Variants in RBM6 observed in about 807,000 individuals in gnomAD.
The protein encoded by RBM6 is RNA-binding protein 6.
RBM6 carries 23 observed loss-of-function variants against 140.4 expected under a neutral mutation model. The ratio of observed to expected loss-of-function variants is 0.16; its 90% CI spans 0.12 to 0.23. RBM6 has a LOEUF of 0.23. Among genes scored for constraint, RBM6 ranks in the 10% least tolerant of loss-of-function variants. The pLI, the probability that RBM6 is intolerant of heterozygous loss-of-function variation, is 1.00. For missense variants in RBM6, 1,139 were observed against 1,386.7 expected (o/e 0.82, Z 2.84); for synonymous variants, 439 against 475.6 (o/e 0.92, Z 1.00).
chr3:49,966,536 A>C (rs1337850163), intron 2 of RBM6, among the ~76,000 whole-genome samples: 1 of 152,204 alleles, frequency 6.6e-6, no homozygotes, highest in East Asian at 1.9e-4. Flanking sequence ...GAGTTCTATA[A>C]ATTGAGAATG....
chr3:50,059,245 C>T (rs1288110849), intron 10 of RBM6: 1 of 153,824 alleles, frequency 6.5e-6, no homozygotes, highest in African/African-American at 2.4e-5. Flanking sequence ...TTATAGATTC[C>T]TGTGGCTTAA....
In RBM6 at chr3:49,954,178, G is replaced by A. The variant is rs796662776; in HGVS notation, c.-66-8398G>A. On this transcript the variant is annotated intron_variant, in intron 1 of 20. Coordinates refer to ENST00000266022, the MANE Select transcript of RBM6 (RefSeq NM_005777.3). The stretch of plus-strand genomic sequence containing the variant: ...TTATAGGCCGGGCGCAATGGCTCAC[G>A]CCTGTAATCCCAGCACTTTGGGAGG... Among the ~76,000 whole-genome samples the A allele has an allele frequency of 3.3e-5, 5 of 151,634 alleles. No individual in the cohort carries two copies. In the East Asian group the frequency reaches 5.9e-4, roughly 18 times the overall value.
At chr3:49,969,581 G>C (rs1241770593) in intron 3 of RBM6, among the ~76,000 whole-genome samples, 1 of 149,872 alleles carries the variant, frequency 6.7e-6, no homozygotes, top group East Asian at 1.9e-4. Context: ...ATATATGTGT[G>C]TGTATATATG....
rs1007435476 is a variant in RBM6, at chr3:50,070,476, A to G, written c.3040A>G (p.Asn1014Asp). The G allele has an allele frequency of 6.2e-7, 1 of 1,613,942 alleles. No homozygotes were observed. Among genetic ancestry groups the G allele is most frequent in the Non-Finnish European group, 8.5e-7 (1 of 1,179,854 alleles). ...EREGKFKGRG[N>D]DRREKLQSFD... ...ACAGGGAAAGTTTAAAGGAAGAGGA[A>G]ATGATCGCAGGGAAAAGCTCCAGTC... The change falls in exon 19 of 21, where the codon AAT becomes GAT. Residue 1014 changes from asparagine (N) to aspartate (D), a missense_variant. By Grantham distance (23) the Asn-to-Asp change is conservative (BLOSUM62 1). This residue lies in a region of RBM6 where 125 missense variants were observed against 142.0 expected (regional missense o/e 0.88). Coordinates refer to ENST00000266022, the MANE Select transcript of RBM6 (RefSeq NM_005777.3).
chr3:50,065,801 T>C (rs970367656), intron 16 of RBM6, among the ~76,000 whole-genome samples: 2 of 152,220 alleles, frequency 1.3e-5, no homozygotes, highest in Admixed American at 1.3e-4. Context: ...TTACCTTACA[T>C]GTGAGCTGGA....
intron 5 of RBM6, among the ~76,000 whole-genome samples, chr3:49,990,907 C>T (rs531047443): frequency 6.6e-6 from 1 of 152,114 alleles, no homozygotes; most frequent in Non-Finnish European, 1.5e-5. Context: ...CCTCTTGATA[C>T]CAGGTAATTC....
chr3:50,064,087 A>G (rs1421721041), intron 15 of RBM6, among the ~76,000 whole-genome samples: 1 of 151,568 alleles, frequency 6.6e-6, no homozygotes, highest in Non-Finnish European at 1.5e-5. Context: ...GCGCTGCCAC[A>G]ACGCCCAGCT....
chr3:50,017,133 G>A (rs2087207323), intron 6 of RBM6, among the ~76,000 whole-genome samples: 2 of 151,970 alleles, frequency 1.3e-5, no homozygotes, highest in African/African-American at 2.4e-5. Flanking sequence ...GCTCCTTATG[G>A]TTTTAATTTG....
intron 6 of RBM6, among the ~76,000 whole-genome samples, chr3:50,038,649 G>A (rs1043946545): frequency 1.3e-5 from 2 of 152,164 alleles, no homozygotes; most frequent in Admixed American, 6.6e-5. Flanking sequence ...GGCTAACAGG[G>A]TGAAACCCCG....
chr3:50,009,820 A>T (rs1169137098), intron 6 of RBM6, among the ~76,000 whole-genome samples: 4 of 152,144 alleles, frequency 2.6e-5, no homozygotes, highest in Admixed American at 2.6e-4. Context: ...CCTCAGACTC[A>T]CAAAGTTCTG....
In RBM6 at chr3:50,067,076, A is replaced by G. The variant is rs568454461; in HGVS notation, c.2943+574A>G. Reference sequence around the variant, plus strand: ...GTGGCGCATGCCTGTAATCCCAACTACTTGGGAGGTTGAGGCAGGAGAATC... The same window carrying G: ...GTGGCGCATGCCTGTAATCCCAACTGCTTGGGAGGTTGAGGCAGGAGAATC... On this transcript the variant is annotated intron_variant, in intron 17 of 20. Coordinates refer to ENST00000266022, the MANE Select transcript of RBM6 (RefSeq NM_005777.3). 2.0e-5 allele frequency among the ~76,000 whole-genome samples: 3 copies of G among 149,324 alleles called. No individual in the cohort carries two copies. The South Asian group carries it at 6.4e-4, about 32-fold the overall frequency.
At chr3:49,981,300 A>T (rs954568586) in intron 5 of RBM6, among the ~76,000 whole-genome samples, 1 of 152,164 alleles carries the variant, frequency 6.6e-6, no homozygotes, top group Non-Finnish European at 1.5e-5. Flanking sequence ...CTCAGAGTGG[A>T]TCCTGGACCA....
rs572987224 is a variant in RBM6 at position 49,978,147 on chromosome 3, C to T, written c.1483+2755C>T. 1.0e-3 allele frequency among the ~76,000 whole-genome samples: 154 copies of T among 152,152 alleles called. 1 individual carries two copies. Among genetic ancestry groups the T allele is most frequent in the South Asian group, 1.7e-3 (8 of 4,810 alleles). On this transcript the variant is annotated intron_variant, in intron 5 of 20. Coordinates refer to ENST00000266022, the MANE Select transcript of RBM6 (RefSeq NM_005777.3). ...TCCAGAGTATTTGGGACTACAGGTG[C>T]GTACCACCATGGCAGGCTAATTTTT...
Position 49,968,246 on chromosome 3 carries a change from T to A in RBM6, c.821T>A (p.Met274Lys), listed in dbSNP as rs1559535024. 6.2e-7 allele frequency: 1 copy of A among 1,614,060 alleles called. No individual in the cohort carries two copies. The highest frequency in any genetic ancestry group is 1.7e-5 in the Admixed American group (1 of 60,018). ...RTDQDFRGREMGSCMEFKDRE... is the reference protein window; with the variant it reads ...RTDQDFRGREKGSCMEFKDRE... ...GATCAGGATTTTAGGGGCAGAGAGA[T>A]GGGATCTTGTATGGAATTTAAAGAT... Residue 274 changes from methionine (M) to lysine (K), a missense_variant, in exon 3 of 21, where the codon ATG becomes AAG. By Grantham distance (95) the Met-to-Lys change is moderately conservative. Transcript: ENST00000266022.
chr3:50,026,813 C>T (rs1045289395), intron 6 of RBM6, among the ~76,000 whole-genome samples: 14 of 147,076 alleles, frequency 9.5e-5, no homozygotes, highest in Admixed American at 5.5e-4. Context: ...TTGGGGAAGC[C>T]GAGGTGGGAG....
intron 5 of RBM6, among the ~76,000 whole-genome samples, chr3:49,977,469 G>A (rs1178026923): frequency 6.6e-6 from 1 of 152,086 alleles, no homozygotes; most frequent in Non-Finnish European, 1.5e-5. Flanking sequence ...ATCTATCACT[G>A]ATCTATCACT....
At chr3:49,978,482 G>A (rs757049228) in intron 5 of RBM6, among the ~76,000 whole-genome samples, 4 of 152,138 alleles carry the variant, frequency 2.6e-5, no homozygotes, top group Non-Finnish European at 4.4e-5. Flanking sequence ...ACGCCTCTTC[G>A]TTGACTCTAG....
intron 6 of RBM6, among the ~76,000 whole-genome samples, chr3:50,034,302 G>T (rs1204371945): frequency 6.6e-6 from 1 of 151,946 alleles, no homozygotes; most frequent in African/African-American, 2.4e-5. Context: ...TTAGTGTGGT[G>T]TTTCATTTTC....
chr3:49,984,924 C>G (rs918293469), intron 5 of RBM6, among the ~76,000 whole-genome samples: 1 of 152,196 alleles, frequency 6.6e-6, no homozygotes, highest in Non-Finnish European at 1.5e-5. Context: ...AACCATTTAG[C>G]TGAGATGGAA....
Sources: gnomAD v4.1 joint callset for allele counts (sites outside exome capture counted in the v4.1 genomes callset) on GRCh38, gnomAD v4.1.1 for gene constraint, gnomAD v4.1.1 regional missense constraint, MANE v1.5 for transcripts, NCBI Gene and HGNC (gene_info 2026-07-23, HGNC 2026-07-21) for gene names.